DACH1: variants seen among roughly 807,000 people sequenced by gnomAD.
The protein encoded by DACH1 is dachshund family transcription factor 1.
In DACH1, 12 loss-of-function variants were observed where a neutral mutation model predicts 54.2. The observed-to-expected ratio is 0.22, with a 90% CI of 0.14 to 0.36. DACH1 has a LOEUF of 0.36. Ranked by LOEUF, DACH1 falls within the 10% of genes least tolerant of loss-of-function variation. DACH1 has a pLI of 1.00. For synonymous variants in DACH1, 386 were observed against 366.2 expected (o/e 1.05, Z -0.62); for missense variants, 805 against 929.8 (o/e 0.87, Z 1.75).
At chr13:71,479,716 G>T (rs1399055695) in intron 7 of DACH1, among the ~76,000 whole-genome samples, 1 of 152,096 alleles carries the variant, frequency 6.6e-6, no homozygotes, top group Non-Finnish European at 1.5e-5. Flanking sequence ...AACCTTCCAG[G>T]ATTCTGGCAG....
intron 1 of DACH1, among the ~76,000 whole-genome samples, chr13:71,737,025 C>A (rs1367233443): frequency 6.6e-6 from 1 of 151,998 alleles, no homozygotes; most frequent in Non-Finnish European, 1.5e-5. Flanking sequence ...CTGAGGTGGG[C>A]GGATGACTAG....
intron 1 of DACH1, among the ~76,000 whole-genome samples, chr13:71,693,613 C>G (rs557525712): frequency 3.7e-4 from 56 of 151,828 alleles, no homozygotes; most frequent in African/African-American, 1.3e-3. Context: ...CCACCGCGCC[C>G]GGCCTGGTTT....
chr13:71,610,427 T>TTTTTG (rs1413722346), intron 3 of DACH1, among the ~76,000 whole-genome samples: 3 of 152,162 alleles, frequency 2.0e-5, no homozygotes, highest in African/African-American at 7.2e-5. Flanking sequence ...GAAAATCTAG[T>TTTTTG]TTTTGTTTTG....
At chr13:71,492,327 A>T (rs546651062) in intron 6 of DACH1, among the ~76,000 whole-genome samples, 5 of 152,316 alleles carry the variant, frequency 3.3e-5, no homozygotes, top group African/African-American at 1.2e-4. Context: ...ATTTTGGTTT[A>T]GGATGGACCC....
intron 3 of DACH1, 86 bp downstream of exon 3, chr13:71,630,470 T>C: frequency 6.9e-7 from 1 of 1,449,988 alleles, no homozygotes; most frequent in Non-Finnish European, 9.1e-7. Context: ...TTTGAATGGG[T>C]AGCCAACAGT....
intron 1 of DACH1, among the ~76,000 whole-genome samples, chr13:71,813,036 C>G (rs1363593787): frequency 6.6e-6 from 1 of 152,124 alleles, no homozygotes; most frequent in Non-Finnish European, 1.5e-5. Flanking sequence ...ATGGCTTATA[C>G]TAAAATCTTT....
intron 3 of DACH1, among the ~76,000 whole-genome samples, chr13:71,627,643 G>T (rs1876755436): frequency 6.6e-6 from 1 of 152,148 alleles, no homozygotes; most frequent in African/African-American, 2.4e-5. Context: ...GGTTCTCCTG[G>T]AGGATTCAGC....
chr13:71,735,396 CGT>C lies in DACH1; in HGVS notation c.849-53488_849-53487del, dbSNP rs1566467781. On this transcript the variant is annotated intron_variant, in intron 1 of 10. Coordinates refer to ENST00000613252, the MANE Select transcript of DACH1 (RefSeq NM_080759.6). ...GATATACGTGTATATGGGATATACA[CGT>C]ATACGGGATATACACGTATATGGGA... 7.3e-5 allele frequency among the ~76,000 whole-genome samples: 2 copies of C among 27,516 alleles called. 1 individual carries two copies. Among genetic ancestry groups the C allele is most frequent in the African/African-American group, 2.0e-4 (2 of 10,042 alleles). 18.1% of individuals were successfully genotyped at this position (27,516 alleles called of 152,430 possible).
intron 5 of DACH1, among the ~76,000 whole-genome samples, chr13:71,559,445 C>T (rs1884451747): frequency 6.6e-6 from 1 of 151,988 alleles, no homozygotes; most frequent in Non-Finnish European, 1.5e-5. Context: ...CAGTGAATTA[C>T]AAAAATGGCA....
At chr13:71,632,082 C>T (rs1480762426) in intron 2 of DACH1, among the ~76,000 whole-genome samples, 1 of 143,276 alleles carries the variant, frequency 7.0e-6, no homozygotes, top group Non-Finnish European at 1.5e-5. Context: ...AGACTCTGTC[C>T]CAAAAAAAGA....
rs369151951 is a variant in DACH1, at chr13:71,572,019, T to C, written c.1299+821A>G. ...ATAAGATGTGCTCCAGAGGATACCC[T>C]AAATTTAAGTGTATTGTATTCAGAA... On this transcript the variant is annotated intron_variant, in intron 4 of 10. Coordinates refer to ENST00000613252, the MANE Select transcript of DACH1 (RefSeq NM_080759.6). Among the ~76,000 whole-genome samples, 19 of 152,280 alleles carry C rather than the reference T, an allele frequency of 1.2e-4. No homozygotes were observed. In the South Asian group the frequency reaches 3.9e-3, roughly 32 times the overall value.
chr13:71,668,147 G>A (rs1055335053), intron 2 of DACH1, among the ~76,000 whole-genome samples: 1 of 151,746 alleles, frequency 6.6e-6, no homozygotes, highest in South Asian at 2.1e-4. Flanking sequence ...CTTTACTTTG[G>A]GAACTAAACA....
At chr13:71,762,011 C>G (rs1303230684) in intron 1 of DACH1, among the ~76,000 whole-genome samples, 1 of 152,006 alleles carries the variant, frequency 6.6e-6, no homozygotes, top group Non-Finnish European at 1.5e-5. Flanking sequence ...TGAGTGCCTG[C>G]TATGTATACT....
intron 1 of DACH1, among the ~76,000 whole-genome samples, chr13:71,703,452 T>A (rs922189753): frequency 6.6e-6 from 1 of 152,188 alleles, no homozygotes; most frequent in Admixed American, 6.5e-5. Flanking sequence ...AGCAGAGTGG[T>A]CCCTGATCAG....
At chr13:71,659,152 C>T (rs955828079) in intron 2 of DACH1, among the ~76,000 whole-genome samples, 4 of 151,904 alleles carry the variant, frequency 2.6e-5, no homozygotes, top group South Asian at 2.1e-4. Flanking sequence ...AATTAATTTA[C>T]GTAATGAATA....
intron 3 of DACH1, among the ~76,000 whole-genome samples, chr13:71,575,872 A>G (rs76663529): frequency 6.6e-6 from 1 of 152,136 alleles, no homozygotes. Flanking sequence ...TGAAAAATAT[A>G]CAATATGTAA....
At chr13:71,862,344 A>G (rs1874415194) in intron 1 of DACH1, among the ~76,000 whole-genome samples, 1 of 152,020 alleles carries the variant, frequency 6.6e-6, no homozygotes, top group African/African-American at 2.4e-5. Flanking sequence ...GTACATAATT[A>G]CTTTTCTTTT....
intron 1 of DACH1, among the ~76,000 whole-genome samples, chr13:71,803,495 A>G (rs959183061): frequency 1.3e-5 from 2 of 152,172 alleles, no homozygotes; most frequent in Non-Finnish European, 2.9e-5. Flanking sequence ...GCATTTGCCC[A>G]TGATTGTAAA....
At chr13:71,449,643 T>C (rs1027311679) in intron 10 of DACH1, among the ~76,000 whole-genome samples, 9 of 152,146 alleles carry the variant, frequency 5.9e-5, no homozygotes, top group African/African-American at 2.2e-4. Flanking sequence ...TATACCTATG[T>C]AACAAACATG....
Sources: gnomAD v4.1 joint callset for allele counts (sites outside exome capture counted in the v4.1 genomes callset) on GRCh38, gnomAD v4.1.1 for gene constraint, MANE v1.5 for transcripts, NCBI Gene and HGNC (gene_info 2026-07-23, HGNC 2026-07-21) for gene names.